The following HS3ST4 variants were observed in gnomAD, a reference collection of about 807,000 sequenced individuals.
HS3ST4 encodes heparan sulfate glucosamine 3-O-sulfotransferase 4.
Under a neutral mutation model 29.2 loss-of-function variants are expected in HS3ST4, and 17 were observed. That is an observed-to-expected ratio of 0.58 (90% CI 0.40 to 0.87). The LOEUF is 0.87. Among genes scored for constraint, HS3ST4 ranks in the 40% least tolerant of loss-of-function variants. The pLI is 0.00. For missense variants in HS3ST4, 627 were observed against 634.5 expected (o/e 0.99, Z 0.13); for synonymous variants, 314 against 285.7 (o/e 1.10, Z -1.00).
At chr16:26,027,303 T>C (rs1310743377) in intron 1 of HS3ST4, among the ~76,000 whole-genome samples, 1 of 152,176 alleles carries the variant, frequency 6.6e-6, no homozygotes, top group African/African-American at 2.4e-5. Context: ...TCATAAGAAA[T>C]TTCTGTGGTT....
intron 1 of HS3ST4, among the ~76,000 whole-genome samples, chr16:26,055,740 A>G (rs1266427251): frequency 2.0e-5 from 3 of 152,074 alleles, no homozygotes; most frequent in Admixed American, 6.5e-5. Context: ...TGGAAGCTCT[A>G]TTTTCTTTCC....
intron 1 of HS3ST4, among the ~76,000 whole-genome samples, chr16:25,822,793 A>C (rs1309711349): frequency 6.6e-6 from 1 of 151,654 alleles, no homozygotes; most frequent in Non-Finnish European, 1.5e-5. Flanking sequence ...GCTGGAGTGC[A>C]GTGGTGCGAT....
chr16:26,075,156 G>C (rs1006933785), intron 1 of HS3ST4, among the ~76,000 whole-genome samples: 2 of 152,136 alleles, frequency 1.3e-5, no homozygotes, highest in Non-Finnish European at 2.9e-5. Context: ...TGGTGCCAGT[G>C]CACTCCAGCC....
chr16:25,802,546 T>G (rs1966949343), intron 1 of HS3ST4, among the ~76,000 whole-genome samples: 1 of 152,174 alleles, frequency 6.6e-6, no homozygotes, highest in Non-Finnish European at 1.5e-5. Context: ...TCATTCTTTT[T>G]CAATATATTT....
At chr16:25,858,657 A>G (rs900979097) in intron 1 of HS3ST4, among the ~76,000 whole-genome samples, 1 of 152,070 alleles carries the variant, frequency 6.6e-6, no homozygotes, top group Non-Finnish European at 1.5e-5. Context: ...GGTTTTTGAC[A>G]GCATTTCCAA....
At chr16:25,829,441 C>T (rs1306278210) in intron 1 of HS3ST4, among the ~76,000 whole-genome samples, 1 of 152,178 alleles carries the variant, frequency 6.6e-6, no homozygotes, top group African/African-American at 2.4e-5. Context: ...TTCCAGCATA[C>T]ATGTGCAGAA....
intron 1 of HS3ST4, among the ~76,000 whole-genome samples, chr16:25,878,473 G>T (rs187996729): frequency 1.3e-5 from 2 of 152,238 alleles, no homozygotes; most frequent in Admixed American, 6.5e-5. Flanking sequence ...AAGCAGAACA[G>T]AAATCTCACC....
chr16:26,024,843 C>T (rs149103409), intron 1 of HS3ST4, among the ~76,000 whole-genome samples: 1 of 152,292 alleles, frequency 6.6e-6, no homozygotes, highest in Non-Finnish European at 1.5e-5. Context: ...TAATCTAGCA[C>T]AGGCTGTGGG....
chr16:26,132,522 A>G (rs1321139194), intron 1 of HS3ST4, among the ~76,000 whole-genome samples: 1 of 152,200 alleles, frequency 6.6e-6, no homozygotes, highest in Non-Finnish European at 1.5e-5. Flanking sequence ...GCAGTAAGTT[A>G]GGCACACATC....
At chr16:25,896,443 A>G (rs1212074424) in intron 1 of HS3ST4, among the ~76,000 whole-genome samples, 1 of 152,218 alleles carries the variant, frequency 6.6e-6, no homozygotes, top group East Asian at 1.9e-4. Flanking sequence ...CAAAAGCGCA[A>G]TGAGATACCG....
intron 1 of HS3ST4, among the ~76,000 whole-genome samples, chr16:26,072,433 G>A (rs1185533142): frequency 6.6e-6 from 1 of 152,116 alleles, no homozygotes; most frequent in Non-Finnish European, 1.5e-5. Context: ...CATCAGACCA[G>A]GAATCTCTAG....
intron 1 of HS3ST4, among the ~76,000 whole-genome samples, chr16:26,031,251 A>G (rs1410861155): frequency 2.0e-5 from 3 of 152,112 alleles, no homozygotes; most frequent in Non-Finnish European, 4.4e-5. Context: ...ACCCAGGCAC[A>G]GGGCCCCGCC....
intron 1 of HS3ST4, among the ~76,000 whole-genome samples, chr16:26,008,683 G>T (rs1289438352): frequency 6.6e-6 from 1 of 152,108 alleles, no homozygotes; most frequent in African/African-American, 2.4e-5. Flanking sequence ...GCCAGGTGTG[G>T]TGGTGCCTGC....
At chr16:26,100,995 C>T (rs936148738) in intron 1 of HS3ST4, among the ~76,000 whole-genome samples, 1 of 152,298 alleles carries the variant, frequency 6.6e-6, no homozygotes, top group South Asian at 2.1e-4. Context: ...CAGAAAAGGA[C>T]ATTACCATCT....
chr16:25,931,156 C>T (rs1968459289), intron 1 of HS3ST4, among the ~76,000 whole-genome samples: 1 of 152,184 alleles, frequency 6.6e-6, no homozygotes, highest in South Asian at 2.1e-4. Flanking sequence ...GGACCGCGTA[C>T]CTTTCAATGG....
chr16:26,119,158 A>T (rs1192794838), intron 1 of HS3ST4, among the ~76,000 whole-genome samples: 1 of 152,172 alleles, frequency 6.6e-6, no homozygotes, highest in African/African-American at 2.4e-5. Flanking sequence ...GAGCCCAAAC[A>T]TCCCACACTA....
intron 1 of HS3ST4, among the ~76,000 whole-genome samples, chr16:25,831,664 C>A (rs1429305293): frequency 6.6e-6 from 1 of 151,998 alleles, no homozygotes; most frequent in Non-Finnish European, 1.5e-5. Context: ...CCTATAAATT[C>A]CACAAGAACA....
At chr16:26,083,549 G>T (rs1183874431) in intron 1 of HS3ST4, among the ~76,000 whole-genome samples, 3 of 152,168 alleles carry the variant, frequency 2.0e-5, no homozygotes, top group Non-Finnish European at 4.4e-5. Flanking sequence ...CTTTGTCACA[G>T]CTACTCAATT....
chr16:25,767,191 C>G, intron 1 of HS3ST4, among the ~76,000 whole-genome samples: 1 of 152,190 alleles, frequency 6.6e-6, no homozygotes, highest in East Asian at 1.9e-4. Flanking sequence ...TTTTGCCAGG[C>G]AAATGTTTAT....
Sources: allele counts gnomAD v4.1 joint callset (sites outside exome capture counted in the v4.1 genomes callset), GRCh38; gene constraint gnomAD v4.1.1; transcripts MANE v1.5; gene names NCBI Gene and HGNC (gene_info 2026-07-23, HGNC 2026-07-21).